Variants in ROBO2 observed in about 807,000 individuals in gnomAD.
The protein encoded by ROBO2 is roundabout homolog 2.
Under a neutral mutation model 160.8 loss-of-function variants are expected in ROBO2, and 53 were observed. The observed-to-expected ratio is 0.33, with a 90% confidence interval of 0.26 to 0.41. The LOEUF (loss-of-function observed/expected upper bound fraction) is 0.41, where lower values mean the gene tolerates loss of function less well. Among genes scored for constraint, ROBO2 ranks in the 10% least tolerant of loss-of-function variants. The pLI is 1.00. For synonymous variants in ROBO2, 664 were observed against 611.7 expected (o/e 1.09, Z -1.26); for missense variants, 1,577 against 1,722.4 (o/e 0.92, Z 1.49).
chr3:76,313,366 G>A lies in ROBO2; in HGVS notation c.109+375764G>A, dbSNP rs1576365019. Among the ~76,000 whole-genome samples the A allele has an allele frequency of 2.0e-5, 3 of 152,142 alleles. No homozygotes were observed. The South Asian group carries it at 6.2e-4, about 31-fold the overall frequency. On this transcript the variant is annotated intron_variant, in intron 2 of 26. Coordinates refer to the ROBO2 transcript ENST00000487694. ...GTGGTGTGTTATCTTTCAGTGGGTT[G>A]TAAAATTCTGTTCGTTTTTTTCTTG...
At chr3:76,269,373 C>G (rs541918232) in intron 2 of ROBO2, among the ~76,000 whole-genome samples, 1 of 151,998 alleles carries the variant, frequency 6.6e-6, no homozygotes, top group Non-Finnish European at 1.5e-5. Context: ...CTTCTTGAAG[C>G]TCTTTCTTCT....
intron 16 of ROBO2, 133 bp downstream of exon 17, chr3:77,580,251 G>A (rs1255539283): frequency 1.2e-6 from 1 of 861,470 alleles, no homozygotes; most frequent in East Asian, 2.6e-5. Context: ...TTGACAAATG[G>A]GTTAACTGAC....
chr3:76,198,606 A>G (rs111916073), intron 2 of ROBO2, among the ~76,000 whole-genome samples: 4 of 152,300 alleles, frequency 2.6e-5, no homozygotes, highest in African/African-American at 9.6e-5. Flanking sequence ...GATCCTGAAT[A>G]AATTAGCTGA....
intron 2 of ROBO2, among the ~76,000 whole-genome samples, chr3:76,604,062 T>A (rs2087451974): frequency 6.6e-6 from 1 of 152,162 alleles, no homozygotes; most frequent in African/African-American, 2.4e-5. Flanking sequence ...AATAATACAT[T>A]GATTATATGA....
At chr3:76,573,339 T>G (rs1296878890) in intron 2 of ROBO2, among the ~76,000 whole-genome samples, 3 of 152,070 alleles carry the variant, frequency 2.0e-5, no homozygotes, top group Admixed American at 6.6e-5. Context: ...AGTGCCCTTT[T>G]GAAGTTCAAT....
intron 1 of ROBO2, among the ~76,000 whole-genome samples, chr3:77,070,880 G>A (rs4575936): frequency 6.6e-6 from 1 of 152,246 alleles, no homozygotes; most frequent in Admixed American, 6.5e-5. Flanking sequence ...GTCCTTGTGA[G>A]AAGGAGTGAG....
chr3:77,624,263 A>C (rs2094959631), intron 23 of ROBO2, among the ~76,000 whole-genome samples: 1 of 152,014 alleles, frequency 6.6e-6, no homozygotes, highest in Non-Finnish European at 1.5e-5. Flanking sequence ...AACTTTGTGG[A>C]GAAGGTGTGA....
chr3:76,694,500 C>A (rs560671632), intron 2 of ROBO2, among the ~76,000 whole-genome samples: 1 of 151,986 alleles, frequency 6.6e-6, no homozygotes, highest in Non-Finnish European at 1.5e-5. Flanking sequence ...AATCAGAAAG[C>A]CACACAAAGT....
Position 76,947,781 on chromosome 3 carries a change from G to A in ROBO2, c.110-150233G>A, listed in dbSNP as rs182982485. Among the ~76,000 whole-genome samples the A allele has an allele frequency of 1.7e-4, 26 of 151,654 alleles. 1 individual carries two copies. Among genetic ancestry groups the A allele is most frequent in the Admixed American group, 1.1e-3 (17 of 15,248 alleles). Reference sequence around the variant, plus strand: ...ATGTGACTGGTTTTTTTGTTCTGTCGCCATTCTCATCTGAACGTACTACTT... The same window carrying A: ...ATGTGACTGGTTTTTTTGTTCTGTCACCATTCTCATCTGAACGTACTACTT... On this transcript the variant is annotated intron_variant, in intron 2 of 26. Coordinates refer to the ROBO2 transcript ENST00000487694.
Position 77,305,624 on chromosome 3 carries a change from C to T in ROBO2, c.389-171790C>T, listed in dbSNP as rs528772730. On this transcript the variant is annotated intron_variant, in intron 2 of 25. Transcript: ENST00000461745. ...GGGCATTGTCAAAATTAAATTAAAG[C>T]TTATGGAAGGAAACCTTCTCAGCCT... Among the ~76,000 whole-genome samples the T allele has an allele frequency of 5.9e-5, 9 of 152,286 alleles. No homozygotes were observed. The East Asian group carries it at 1.7e-3, about 29-fold the overall frequency.
chr3:76,249,156 A>C (rs1031227293), intron 2 of ROBO2, among the ~76,000 whole-genome samples: 6 of 152,134 alleles, frequency 3.9e-5, no homozygotes, highest in Non-Finnish European at 8.8e-5. Context: ...ACTTCGTGAA[A>C]TATTAAGAGA....
chr3:76,381,400 G>T (rs937257167), intron 2 of ROBO2, among the ~76,000 whole-genome samples: 2 of 151,898 alleles, frequency 1.3e-5, no homozygotes, highest in Non-Finnish European at 2.9e-5. Context: ...TCCCAGGCTG[G>T]AGTGCAGTGG....
intron 8 of ROBO2, among the ~76,000 whole-genome samples, chr3:77,554,154 C>A (rs989286703): frequency 6.6e-6 from 1 of 151,918 alleles, no homozygotes; most frequent in Non-Finnish European, 1.5e-5. Context: ...ATCTACTCTG[C>A]CTGTGCTCTG....
At chr3:77,211,529 G>A (rs1203229560) in intron 2 of ROBO2, among the ~76,000 whole-genome samples, 1 of 152,098 alleles carries the variant, frequency 6.6e-6, no homozygotes, top group African/African-American at 2.4e-5. Context: ...CTCCCATTCT[G>A]TTCACTCTGA....
In ROBO2 at chr3:76,294,348, G is replaced by C. The variant is rs1708962049; in HGVS notation, c.109+356746G>C. ...GCCTATTCTCAGCTCCGGCTCAGTG[G>C]AGTGGATAGTCCTGGCCACGCCTCC... On this transcript the variant is annotated intron_variant, in intron 2 of 26. Transcript: ENST00000487694. Among the ~76,000 whole-genome samples, 4 of 152,122 alleles carry C rather than the reference G, an allele frequency of 2.6e-5. No homozygotes were observed. In the South Asian group the frequency reaches 8.3e-4, roughly 32 times the overall value.
rs558062534 is a variant in ROBO2 at position 76,578,642 on chromosome 3, C to T, written c.110-519372C>T. Reference sequence around the variant, plus strand: ...CCACCTGCTACTTCTCCATCTCCCTCGCCTCCCTTGATGGTTCTTTATTCC... The same window carrying T: ...CCACCTGCTACTTCTCCATCTCCCTTGCCTCCCTTGATGGTTCTTTATTCC... On this transcript the variant is annotated intron_variant, in intron 2 of 26. Coordinates refer to the ROBO2 transcript ENST00000487694. 5.9e-5 allele frequency among the ~76,000 whole-genome samples: 9 copies of T among 152,190 alleles called. No homozygotes were observed. The East Asian group carries it at 1.2e-3, about 20-fold the overall frequency.
intron 5 of ROBO2, among the ~76,000 whole-genome samples, chr3:77,500,429 G>T (rs1364783065): frequency 6.6e-6 from 1 of 152,002 alleles, no homozygotes; most frequent in Non-Finnish European, 1.5e-5. Flanking sequence ...ATAATTATAT[G>T]ATTATTAATT....
intron 2 of ROBO2, among the ~76,000 whole-genome samples, chr3:76,959,795 T>A (rs1304826186): frequency 6.6e-6 from 1 of 152,146 alleles, no homozygotes; most frequent in Non-Finnish European, 1.5e-5. Flanking sequence ...TTGAATTATT[T>A]GAAGTTGACT....
chr3:76,053,820 G>A (rs1395528994), intron 2 of ROBO2, among the ~76,000 whole-genome samples: 1 of 151,960 alleles, frequency 6.6e-6, no homozygotes, highest in Non-Finnish European at 1.5e-5. Flanking sequence ...CTTCTTAAAT[G>A]AACTCTTGTT....
Sources: allele counts gnomAD v4.1 joint callset (sites outside exome capture counted in the v4.1 genomes callset), GRCh38; gene constraint gnomAD v4.1.1; transcripts MANE v1.5; gene names NCBI Gene and HGNC (gene_info 2026-07-23, HGNC 2026-07-21).